Variants in DRICH1 observed in about 807,000 individuals in gnomAD.
DRICH1 encodes aspartate rich 1.
A neutral mutation model predicts 39.5 loss-of-function variants in DRICH1; 38 were observed. The observed-to-expected ratio is 0.96, with a 90% CI of 0.74 to 1.26. DRICH1 has a LOEUF of 1.26. Ranked by LOEUF, DRICH1 falls within the 50% of genes most tolerant of loss-of-function variation. DRICH1 has a pLI of 0.00. For synonymous variants in DRICH1, 84 were observed against 99.5 expected (o/e 0.84, Z 0.93); for missense variants, 279 against 270.4 (o/e 1.03, Z -0.22).
At chr22:23,598,766 T>C in the DRICH1 span, among the ~76,000 whole-genome samples, 1,646 of 151,750 alleles carry the variant, frequency 0.011, 4 homozygotes, top group African/African-American at 0.039. Flanking sequence ...CACCTGAGCA[T>C]ATCTGGTGCC....
chr22:23,584,477 T>G, the DRICH1 span, among the ~76,000 whole-genome samples: 2 of 152,152 alleles, frequency 1.3e-5, no homozygotes, highest in African/African-American at 4.8e-5. Context: ...CCAGAGGAAA[T>G]ACAGGACCAT....
chr22:23,626,645 G>C (rs1928081431), intron 1 of DRICH1, among the ~76,000 whole-genome samples: 1 of 152,264 alleles, frequency 6.6e-6, no homozygotes, highest in East Asian at 1.9e-4. Flanking sequence ...CAAAAACTCT[G>C]CAAGAAGTTA....
chr22:23,601,717 G>A, the DRICH1 span, among the ~76,000 whole-genome samples: 528 of 150,784 alleles, frequency 3.5e-3, no homozygotes, highest in African/African-American at 0.012. Flanking sequence ...CGGAGTACCT[G>A]GGATCCCTCT....
the DRICH1 span, among the ~76,000 whole-genome samples, chr22:23,599,441 C>T: frequency 6.6e-6 from 1 of 152,310 alleles, no homozygotes; most frequent in East Asian, 1.9e-4. Flanking sequence ...CCTGCTCTCT[C>T]CCTTGTCCCC....
At chr22:23,618,500 T>G (rs1246899216) in intron 6 of DRICH1, among the ~76,000 whole-genome samples, 1 of 152,176 alleles carries the variant, frequency 6.6e-6, no homozygotes. Context: ...TTCCTCTTTG[T>G]AAGTCTTCTT....
the DRICH1 span, among the ~76,000 whole-genome samples, chr22:23,584,534 C>G: frequency 6.6e-6 from 1 of 152,218 alleles, no homozygotes; most frequent in African/African-American, 2.4e-5. Context: ...CTCAAGTTTT[C>G]AGGGTCACTG....
chr22:23,627,815 A>T (rs1428957435), intron 1 of DRICH1, among the ~76,000 whole-genome samples: 1 of 152,158 alleles, frequency 6.6e-6, no homozygotes, highest in East Asian at 1.9e-4. Context: ...TGTAGGGCTC[A>T]ACAGGCTGGA....
At chr22:23,616,433 TTA>T (rs1455787031) in intron 8 of DRICH1, among the ~76,000 whole-genome samples, 2 of 152,224 alleles carry the variant, frequency 1.3e-5, no homozygotes, top group Non-Finnish European at 2.9e-5. Flanking sequence ...TACTTTTTCT[TTA>T]TCTATTTCTG....
chr22:23,625,948 ATTTCC>A, intron 2 of DRICH1, 28 bp downstream of exon 2: 1 of 1,567,294 alleles, frequency 6.4e-7, no homozygotes, highest in Non-Finnish European at 8.8e-7. Context: ...GGAAAGCAAC[ATTTCC>A]TTAGAAGGCA....
chr22:23,611,219 G>C (rs2123761362), intron 11 of DRICH1, among the ~76,000 whole-genome samples: 1 of 152,220 alleles, frequency 6.6e-6, no homozygotes, highest in Admixed American at 6.5e-5. Flanking sequence ...GCGTTAAAGA[G>C]ATCCAGCTCT....
At chr22:23,584,118 G>A in the DRICH1 span, among the ~76,000 whole-genome samples, 3 of 152,158 alleles carry the variant, frequency 2.0e-5, no homozygotes, top group Non-Finnish European at 4.4e-5. Context: ...GGCTGGGCCG[G>A]GCCTCTCCAG....
chr22:23,591,909 A>G, the DRICH1 span, among the ~76,000 whole-genome samples: 44 of 152,292 alleles, frequency 2.9e-4, no homozygotes, highest in African/African-American at 1.0e-3. Flanking sequence ...CCTGACACCC[A>G]GAATACAGCA....
the DRICH1 span, among the ~76,000 whole-genome samples, chr22:23,589,383 C>T: frequency 3.3e-5 from 5 of 151,658 alleles, no homozygotes; most frequent in Non-Finnish European, 5.9e-5. Flanking sequence ...CCCAAGAGCT[C>T]GAGGCTGCAG....
chr22:23,621,712 G>A (rs1244708776), intron 4 of DRICH1, among the ~76,000 whole-genome samples: 59 of 152,216 alleles, frequency 3.9e-4, no homozygotes, highest in African/African-American at 1.3e-3. Context: ...TCAGGAGTTC[G>A]AGACCAGCCT....
intron 6 of DRICH1, among the ~76,000 whole-genome samples, chr22:23,618,818 G>A (rs1432320288): frequency 6.6e-6 from 1 of 152,096 alleles, no homozygotes; most frequent in Non-Finnish European, 1.5e-5. Context: ...TGGTTAACTA[G>A]CTTATGTAAT....
the DRICH1 span, among the ~76,000 whole-genome samples, chr22:23,587,895 A>T: frequency 4.6e-5 from 7 of 152,188 alleles, no homozygotes; most frequent in Non-Finnish European, 8.8e-5. Context: ...GATTCCTGCT[A>T]AGTGGGTTTA....
At chr22:23,590,906 G>C in the DRICH1 span, among the ~76,000 whole-genome samples, 1 of 152,336 alleles carries the variant, frequency 6.6e-6, no homozygotes, top group African/African-American at 2.4e-5. Context: ...CTACAGGCGT[G>C]AGCCACTGGG....
At chr22:23,587,861 G>T in the DRICH1 span, among the ~76,000 whole-genome samples, 1 of 152,110 alleles carries the variant, frequency 6.6e-6, no homozygotes, top group Non-Finnish European at 1.5e-5. Flanking sequence ...CCTTAATTGC[G>T]TCTGCACTGC....
At chr22:23,584,335 C>G in the DRICH1 span, among the ~76,000 whole-genome samples, 1 of 152,214 alleles carries the variant, frequency 6.6e-6, no homozygotes, top group East Asian at 1.9e-4. Context: ...CTAGTCACCT[C>G]TGCCCTGCTC....
Sources: gnomAD v4.1 joint callset for allele counts (sites outside exome capture counted in the v4.1 genomes callset) on GRCh38, gnomAD v4.1.1 for gene constraint, MANE v1.5 for transcripts, NCBI Gene and HGNC (gene_info 2026-07-23, HGNC 2026-07-21) for gene names.